Variants in CDYL2 observed in about 807,000 individuals in gnomAD.
CDYL2 encodes the protein chromodomain Y-like protein 2.
A neutral mutation model predicts 49.4 loss-of-function variants in CDYL2; 23 were observed. The ratio of observed to expected loss-of-function variants is 0.47; its 90% CI spans 0.34 to 0.66. The LOEUF (loss-of-function observed/expected upper bound fraction) is 0.66. Ranked by LOEUF, CDYL2 falls within the 30% of genes least tolerant of loss-of-function variation. CDYL2 has a pLI of 0.01. For synonymous variants in CDYL2, 360 were observed against 268.8 expected (o/e 1.34, Z -3.32); for missense variants, 678 against 656.4 (o/e 1.03, Z -0.36).
At chr16:80,715,319 A>C (rs1473744805) in intron 1 of CDYL2, among the ~76,000 whole-genome samples, 1 of 152,152 alleles carries the variant, frequency 6.6e-6, no homozygotes, top group Non-Finnish European at 1.5e-5. Context: ...TGATCCCACC[A>C]TAGTCAACAA....
chr16:80,639,628 A>C (rs1012688687), intron 2 of CDYL2: 2 of 452,668 alleles, frequency 4.4e-6, no homozygotes, highest in African/African-American at 4.0e-5. Flanking sequence ...ACACACAAAA[A>C]AAAATACCTT....
At chr16:80,771,011 G>A (rs1014635357) in intron 1 of CDYL2, among the ~76,000 whole-genome samples, 6 of 152,192 alleles carry the variant, frequency 3.9e-5, no homozygotes, top group Non-Finnish European at 7.3e-5. Flanking sequence ...CCAAAAGGCT[G>A]CACTCTAGGA....
intron 1 of CDYL2, among the ~76,000 whole-genome samples, chr16:80,759,102 C>CTATATATA (rs59240300): frequency 0.068 from 4,311 of 62,948 alleles, 213 homozygotes; most frequent in East Asian, 0.099. Flanking sequence ...AAACCATATA[C>CTATATATA]TATATATATA....
At position 80,789,283 on chromosome 16, in the gene CDYL2, A is replaced by G. The variant is rs148300032; in HGVS notation, c.24+14867T>C. On this transcript the variant is annotated intron_variant, in intron 1 of 6. Transcript: ENST00000570137. ...AATCCCATTACTGGGTATCTACCCA[A>G]AGGAAAAGAAATCATTATATTAAAG... Among the ~76,000 whole-genome samples, 164 of 152,286 alleles carry G rather than the reference A, an allele frequency of 1.1e-3. 2 individuals carry two copies. In the East Asian group the frequency reaches 0.022, roughly 21 times the overall value.
intron 1 of CDYL2, among the ~76,000 whole-genome samples, chr16:80,771,425 C>A (rs1211809896): frequency 6.6e-6 from 1 of 152,214 alleles, no homozygotes; most frequent in Non-Finnish European, 1.5e-5. Context: ...CGAAAACTGG[C>A]CAGTGCAGTA....
chr16:80,684,374 G>A (rs775669720), intron 2 of CDYL2, among the ~76,000 whole-genome samples, 164 bp downstream of exon 2: 1 of 152,218 alleles, frequency 6.6e-6, no homozygotes, highest in African/African-American at 2.4e-5. Context: ...ATGGGCCTAC[G>A]ACCGAGTCCA....
At chr16:80,727,641 G>C (rs546871547) in intron 1 of CDYL2, among the ~76,000 whole-genome samples, 1 of 152,208 alleles carries the variant, frequency 6.6e-6, no homozygotes, top group Non-Finnish European at 1.5e-5. Flanking sequence ...CACCTCTGGG[G>C]GCAGGGCACA....
chr16:80,734,324 T>G (rs151193520), intron 1 of CDYL2, among the ~76,000 whole-genome samples: 2 of 152,214 alleles, frequency 1.3e-5, no homozygotes. Context: ...TTCGGGGTCA[T>G]AATCATCTTT....
At chr16:80,730,258 G>C (rs1905282506) in intron 1 of CDYL2, among the ~76,000 whole-genome samples, 1 of 152,006 alleles carries the variant, frequency 6.6e-6, no homozygotes, top group Non-Finnish European at 1.5e-5. Context: ...AATAAAAAAT[G>C]ATAAAGGGGA....
At chr16:80,761,310 T>C (rs1906521009) in intron 1 of CDYL2, among the ~76,000 whole-genome samples, 1 of 152,208 alleles carries the variant, frequency 6.6e-6, no homozygotes, top group Non-Finnish European at 1.5e-5. Context: ...TGTGTGACTT[T>C]GGAAAAGTTA....
chr16:80,714,579 C>T lies in CDYL2; in HGVS notation c.25-29450G>A, dbSNP rs114585750. ...ATCTGTTGTTGTGTCTCCTGCAAGA[C>T]GTAAGACTTCCTAAATTTGCCACAA... On this transcript the variant is annotated intron_variant, in intron 1 of 6. Coordinates refer to ENST00000570137, the MANE Select transcript of CDYL2 (RefSeq NM_152342.4). Among the ~76,000 whole-genome samples the T allele has an allele frequency of 7.7e-3, 1,167 of 152,216 alleles. 14 individuals carry two copies. The highest frequency in any genetic ancestry group is 0.026 in the African/African-American group (1,095 of 41,512).
At chr16:80,739,243 G>C (rs752687241) in intron 1 of CDYL2, among the ~76,000 whole-genome samples, 2 of 152,178 alleles carry the variant, frequency 1.3e-5, no homozygotes, top group East Asian at 1.9e-4. Flanking sequence ...ACCAAGGACT[G>C]GGGGAGAAGG....
In CDYL2 at chr16:80,633,204, G is replaced by A; in HGVS notation, c.649C>T (p.His217Tyr). 2 of 1,614,180 alleles carry A rather than the reference G, an allele frequency of 1.2e-6. No homozygotes were observed. Among genetic ancestry groups the A allele is most frequent in the South Asian group, 1.1e-5 (1 of 91,088 alleles). The change falls in exon 3 of 7, where the codon CAC becomes TAC. Residue 217 changes from histidine (H) to tyrosine (Y), a missense_variant. Physicochemically the swap from His to Tyr is moderately conservative, Grantham distance 83 (BLOSUM62 2). Coordinates refer to ENST00000570137, the MANE Select transcript of CDYL2 (RefSeq NM_152342.4). Reference protein sequence around the residue: ...SALTNGGLNLHSPVKRKLEAE... With the variant: ...SALTNGGLNLYSPVKRKLEAE... Reference sequence around the variant, plus strand: ...TCCAGCTTCCTCTTCACTGGACTGTGCAGGTTCAATCCCCCGTTGGTCAGA... The same window carrying A: ...TCCAGCTTCCTCTTCACTGGACTGTACAGGTTCAATCCCCCGTTGGTCAGA...
At chr16:80,771,906 G>A (rs544253499) in intron 1 of CDYL2, among the ~76,000 whole-genome samples, 9 of 152,090 alleles carry the variant, frequency 5.9e-5, no homozygotes, top group African/African-American at 2.2e-4. Context: ...AAACTGCTTA[G>A]GAGACAAAGA....
rs12931197 is a variant in CDYL2, at chr16:80,790,364, A to G, written c.24+13786T>C. On this transcript the variant is annotated intron_variant, in intron 1 of 6. Coordinates refer to ENST00000570137, the MANE Select transcript of CDYL2 (RefSeq NM_152342.4). ...CATGTGTGATAATCAAGGTGCAAAA[A>G]CAACCTTTGTCTACACAACACCAAA... 4.9e-4 allele frequency among the ~76,000 whole-genome samples: 75 copies of G among 152,360 alleles called. 1 individual carries two copies. The highest frequency in any genetic ancestry group is 1.6e-3 in the African/African-American group (65 of 41,582).
At chr16:80,605,627 ATAGTCT>A (rs1237790177) in intron 6 of CDYL2, among the ~76,000 whole-genome samples, 1 of 151,378 alleles carries the variant, frequency 6.6e-6, no homozygotes, top group Admixed American at 6.6e-5. Flanking sequence ...AATCATAGTA[ATAGTCT>A]TAGTAATGAG....
At chr16:80,706,981 C>A (rs1904426298) in intron 1 of CDYL2, among the ~76,000 whole-genome samples, 1 of 152,068 alleles carries the variant, frequency 6.6e-6, no homozygotes, top group South Asian at 2.1e-4. Context: ...CATTTTCCAC[C>A]CATGTTCTGG....
chr16:80,610,470 G>A (rs1906545133), intron 5 of CDYL2, among the ~76,000 whole-genome samples: 1 of 152,144 alleles, frequency 6.6e-6, no homozygotes, highest in South Asian at 2.1e-4. Flanking sequence ...GGGCCACAAT[G>A]GACTGCTCTC....
chr16:80,744,386 C>T (rs1567592524), intron 1 of CDYL2, among the ~76,000 whole-genome samples: 2 of 152,264 alleles, frequency 1.3e-5, no homozygotes, highest in East Asian at 3.9e-4. Flanking sequence ...ACATTGCATC[C>T]TTTAACACCA....
Sources: gnomAD v4.1 joint callset for allele counts (sites outside exome capture counted in the v4.1 genomes callset) on GRCh38, gnomAD v4.1.1 for gene constraint, MANE v1.5 for transcripts, NCBI Gene and HGNC (gene_info 2026-07-23, HGNC 2026-07-21) for gene names.